HTR1E: variants seen among roughly 807,000 people sequenced by gnomAD.
HTR1E encodes 5-HT-1E.
A neutral mutation model predicts 3.4 loss-of-function variants in HTR1E; 3 were observed. The observed-to-expected ratio is 0.89, with a 90% CI of 0.41 to 2.31. The LOEUF (loss-of-function observed/expected upper bound fraction) is 2.31. Among genes scored for constraint, HTR1E ranks in the 30% most tolerant of loss-of-function variants. The probability of loss-of-function intolerance (pLI) is 0.05; values close to 1 mark genes in which losing one functional copy is unlikely to be tolerated. For synonymous variants in HTR1E, 170 were observed against 182.8 expected (o/e 0.93, Z 0.56); for missense variants, 392 against 467.0 (o/e 0.84, Z 1.48).
In HTR1E at chr6:87,000,962, T is replaced by C. The variant is rs146493632; in HGVS notation, c.-185-14188T>C. On this transcript the variant is annotated intron_variant, in intron 1 of 1. Transcript: ENST00000305344. ...TTTGCAAAACAGACAGTTAATAAGC[T>C]ATGAATAGAAACAACAAAAAGTTTA... is the stretch of plus-strand genomic sequence containing the variant. Among the ~76,000 whole-genome samples, 5 of 152,294 alleles carry C rather than the reference T, an allele frequency of 3.3e-5. No individual in the cohort carries two copies. The East Asian group carries it at 9.6e-4, about 29-fold the overall frequency.
intron 1 of HTR1E, among the ~76,000 whole-genome samples, chr6:86,980,894 G>A (rs1195107903): frequency 6.6e-6 from 1 of 152,144 alleles, no homozygotes; most frequent in African/African-American, 2.4e-5. Context: ...ATGTGTGGGT[G>A]GGTGTGTATA....
At chr6:86,952,311 A>G (rs750767599) in intron 1 of HTR1E, among the ~76,000 whole-genome samples, 7 of 152,278 alleles carry the variant, frequency 4.6e-5, no homozygotes, top group Non-Finnish European at 8.8e-5. Flanking sequence ...CCTAGAAAAA[A>G]AGGGAGTTTG....
Position 87,001,796 on chromosome 6 carries a change from T to C in HTR1E, c.-185-13354T>C, listed in dbSNP as rs1768027490. The stretch of plus-strand genomic sequence containing the variant: ...GAACTCAGACAAAAATAAATACAAG[T>C]TTCAAGCTTTAAGACCAGAAGGATC... On this transcript the variant is annotated intron_variant, in intron 1 of 1. Transcript: ENST00000305344. 3.3e-5 allele frequency among the ~76,000 whole-genome samples: 5 copies of C among 152,096 alleles called. No individual in the cohort carries two copies. The South Asian group carries it at 1.0e-3, about 32-fold the overall frequency.
chr6:87,001,391 A>T (rs1211188051), intron 1 of HTR1E, among the ~76,000 whole-genome samples: 4 of 152,148 alleles, frequency 2.6e-5, no homozygotes, highest in Non-Finnish European at 5.9e-5. Context: ...AAAAAACAAG[A>T]CCCAACAATC....
chr6:87,015,670 C>A lies in HTR1E; in HGVS notation c.336C>A (p.His112Gln), dbSNP rs149730229. Residue 112 changes from histidine to glutamine, a missense_variant, in exon 2 of 2, where the codon CAC becomes CAA. By Grantham distance (24) the His-to-Gln change is conservative. This residue lies in a region of HTR1E where 189 missense variants were observed against 258.0 expected (regional missense o/e 0.73). Transcript: ENST00000305344. ...DMTCCTCSIL[H>Q]LCVIALDRYW... ...CCTGCTGCACCTGCTCCATCCTCCA[C>A]CTCTGTGTCATTGCCCTGGACAGGT... is the stretch of plus-strand genomic sequence containing the variant. The A allele has an allele frequency of 1.9e-6, 3 of 1,614,088 alleles. No homozygotes were observed. The African/African-American group carries it at 4.0e-5, about 22-fold the overall frequency.
At chr6:86,997,682 G>T (rs955895312) in intron 1 of HTR1E, among the ~76,000 whole-genome samples, 3 of 151,608 alleles carry the variant, frequency 2.0e-5, no homozygotes, top group Non-Finnish European at 4.4e-5. Flanking sequence ...CTAATGAAAT[G>T]AATCAAAAAA....
At chr6:86,955,233 G>A (rs112788743) in intron 1 of HTR1E, among the ~76,000 whole-genome samples, 5,441 of 152,246 alleles carry the variant, frequency 0.036, 316 homozygotes, top group African/African-American at 0.12. Flanking sequence ...AACTCAGGCA[G>A]GTCCACCTCC....
chr6:87,003,336 A>G (rs546974059), intron 1 of HTR1E, among the ~76,000 whole-genome samples: 7 of 152,258 alleles, frequency 4.6e-5, no homozygotes, highest in Admixed American at 4.6e-4. Context: ...TCAGGAGTTC[A>G]AGACCAGACT....
At chr6:86,955,539 G>A (rs1211901309) in intron 1 of HTR1E, among the ~76,000 whole-genome samples, 1 of 152,188 alleles carries the variant, frequency 6.6e-6, no homozygotes, top group Non-Finnish European at 1.5e-5. Context: ...CTGTGCAAAG[G>A]ACTCAGCTAA....
intron 1 of HTR1E, among the ~76,000 whole-genome samples, chr6:86,976,966 C>T (rs942937924): frequency 1.3e-5 from 2 of 152,202 alleles, no homozygotes; most frequent in South Asian, 2.1e-4. Flanking sequence ...AAGAATATCA[C>T]TTCTTAGAAC....
rs749518023 is a variant in HTR1E, at chr6:87,015,594, G to A, written c.260G>A (p.Arg87His). The A allele has an allele frequency of 1.6e-5, 26 of 1,613,984 alleles. No individual in the cohort carries two copies. The highest frequency in any genetic ancestry group is 5.0e-5 in the Admixed American group (3 of 59,998). ...PLSIIYIVMD[R>H]WKLGYFLCEV... Reference sequence around the variant, plus strand: ...AGCATCATCTACATTGTCATGGATCGCTGGAAGCTTGGGTACTTCCTCTGT... The same window carrying A: ...AGCATCATCTACATTGTCATGGATCACTGGAAGCTTGGGTACTTCCTCTGT... Residue 87 changes from arginine (R) to histidine (H), a missense_variant, in exon 2 of 2, where the codon CGC becomes CAC. This residue lies in a region of HTR1E where 189 missense variants were observed against 258.0 expected (regional missense o/e 0.73). Coordinates refer to ENST00000305344, the MANE Select transcript of HTR1E (RefSeq NM_000865.3).
intron 1 of HTR1E, among the ~76,000 whole-genome samples, chr6:86,991,567 A>T (rs187320738): frequency 6.6e-6 from 1 of 152,328 alleles, no homozygotes; most frequent in Admixed American, 6.5e-5. Context: ...GCCAAATCCA[A>T]GGAAGACAGA....
chr6:87,008,475 ACAAT>A (rs572903074), intron 1 of HTR1E, among the ~76,000 whole-genome samples: 20 of 152,362 alleles, frequency 1.3e-4, no homozygotes, highest in African/African-American at 4.6e-4. Context: ...CAAAATGAGA[ACAAT>A]CAAAGAAGAG....
At chr6:86,977,541 T>C (rs1225825585) in intron 1 of HTR1E, among the ~76,000 whole-genome samples, 1 of 152,154 alleles carries the variant, frequency 6.6e-6, no homozygotes, top group Non-Finnish European at 1.5e-5. Flanking sequence ...TCCTTTGGTT[T>C]TATACCTAAT....
intron 1 of HTR1E, among the ~76,000 whole-genome samples, chr6:87,003,994 A>T (rs535944197): frequency 6.6e-6 from 1 of 152,180 alleles, no homozygotes; most frequent in Non-Finnish European, 1.5e-5. Flanking sequence ...ATGCCAATAA[A>T]CTGGAAAACC....
chr6:86,992,007 T>G (rs964272628), intron 1 of HTR1E, among the ~76,000 whole-genome samples: 2 of 152,096 alleles, frequency 1.3e-5, no homozygotes, highest in South Asian at 2.1e-4. Flanking sequence ...GCCTTCTAAA[T>G]TACTTCCTTT....
intron 1 of HTR1E, among the ~76,000 whole-genome samples, chr6:86,990,682 G>C (rs1193222048): frequency 6.6e-6 from 1 of 152,138 alleles, no homozygotes; most frequent in Non-Finnish European, 1.5e-5. Flanking sequence ...CAGAACTAAA[G>C]GCTACTGCCC....
At position 87,015,432 on chromosome 6, in the gene HTR1E, C is replaced by T; in HGVS notation, c.98C>T (p.Thr33Ile). 1.9e-6 allele frequency: 3 copies of T among 1,614,082 alleles called. No homozygotes were observed. The highest frequency in any genetic ancestry group is 2.5e-6 in the Non-Finnish European group (3 of 1,179,976). Residue 33 changes from threonine (T) to isoleucine (I), a missense_variant, in exon 2 of 2, where the codon ACC (threonine) becomes ATC (isoleucine). Coordinates refer to ENST00000305344, the MANE Select transcript of HTR1E (RefSeq NM_000865.3). ...MLICMTLVVITTLTTLLNLAV... is the reference protein window; with the variant it reads ...MLICMTLVVIITLTTLLNLAV... ...ATTTGCATGACTCTGGTGGTCATCA[C>T]CACCCTCACCACGTTGCTGAACTTG...
At chr6:87,005,128 T>G (rs1378006090) in intron 1 of HTR1E, among the ~76,000 whole-genome samples, 5 of 152,198 alleles carry the variant, frequency 3.3e-5, no homozygotes, top group Admixed American at 1.3e-4. Context: ...GTTTATGGAT[T>G]GGAAGAATAA....
Sources: allele counts gnomAD v4.1 joint callset (sites outside exome capture counted in the v4.1 genomes callset), GRCh38; gene constraint gnomAD v4.1.1; regional missense constraint gnomAD v4.1.1; transcripts MANE v1.5; gene names NCBI Gene and HGNC (gene_info 2026-07-23, HGNC 2026-07-21).